The following EYA4 variants were observed in gnomAD, a reference collection of about 807,000 sequenced individuals.
The protein encoded by EYA4 is protein phosphatase EYA4.
EYA4 carries 31 observed loss-of-function variants against 87.9 expected under a neutral mutation model. That is an observed-to-expected ratio of 0.35 (90% CI 0.27 to 0.48). EYA4 has a LOEUF of 0.48. Among genes scored for constraint, EYA4 ranks in the 20% least tolerant of loss-of-function variants. The pLI is 0.99. For missense variants in EYA4, 678 were observed against 761.4 expected, an observed-to-expected ratio of 0.89 and a Z score of 1.29; for synonymous variants, 263 against 270.6, an observed-to-expected ratio of 0.97 and a Z score of 0.28.
chr6:133,325,984 T>C (rs1182821997), intron 2 of EYA4, among the ~76,000 whole-genome samples: 1 of 152,214 alleles, frequency 6.6e-6, no homozygotes, highest in Non-Finnish European at 1.5e-5. Context: ...TCCTGTTTGT[T>C]CCTGTTTGGT....
intron 2 of EYA4, among the ~76,000 whole-genome samples, chr6:133,379,374 A>C (rs542874244): frequency 6.6e-6 from 1 of 152,188 alleles, no homozygotes; most frequent in Admixed American, 6.6e-5. Flanking sequence ...TGTTCAAATT[A>C]GGTAAAACTA....
chr6:133,299,931 C>A (rs1201442551), intron 2 of EYA4, among the ~76,000 whole-genome samples: 48 of 80,480 alleles, frequency 6.0e-4, no homozygotes, highest in African/African-American at 2.2e-3. Context: ...AGATCTCTAT[C>A]TATCTATCTA....
rs201130169 is a variant in EYA4 at position 133,407,737 on chromosome 6, G to A, written c.83+25296G>A. On this transcript the variant is annotated intron_variant, in intron 3 of 19. Transcript: ENST00000355286. ...TCTGATGTTTGTTACTAATTTTCAG[G>A]AAAAAAAAATAAAAGAAAAATACTG... Among the ~76,000 whole-genome samples the A allele has an allele frequency of 1.7e-3, 261 of 150,678 alleles. 6 individuals are homozygous for A. In the East Asian group the frequency reaches 0.045, roughly 26 times the overall value.
At chr6:133,377,699 A>G (rs1785826727) in intron 2 of EYA4, among the ~76,000 whole-genome samples, 1 of 151,274 alleles carries the variant, frequency 6.6e-6, no homozygotes, top group Admixed American at 6.6e-5. Context: ...GCTTGGTAAA[A>G]ACTGGTTACT....
At chr6:133,402,010 G>C (rs1423342768) in intron 3 of EYA4, among the ~76,000 whole-genome samples, 1 of 152,132 alleles carries the variant, frequency 6.6e-6, no homozygotes, top group African/African-American at 2.4e-5. Flanking sequence ...GAGGAAAAGG[G>C]GAAGGAACTG....
chr6:133,519,658 A>C (rs1017392641), intron 17 of EYA4, among the ~76,000 whole-genome samples: 2 of 149,684 alleles, frequency 1.3e-5, no homozygotes, highest in African/African-American at 5.0e-5. Flanking sequence ...GGCCAGCATC[A>C]TTCTGATACC....
chr6:133,422,720 T>A (rs1024619873), intron 3 of EYA4, among the ~76,000 whole-genome samples: 1 of 152,196 alleles, frequency 6.6e-6, no homozygotes, highest in African/African-American at 2.4e-5. Flanking sequence ...TTTGTAAAAA[T>A]ATTTCAAAGA....
chr6:133,260,399 A>G (rs1301615923), intron 1 of EYA4, among the ~76,000 whole-genome samples: 1 of 152,104 alleles, frequency 6.6e-6, no homozygotes. Context: ...CACCATGCCC[A>G]GCTAACTTTT....
At chr6:133,440,525 G>C (rs760861) in intron 3 of EYA4, among the ~76,000 whole-genome samples, 46,517 of 152,016 alleles carry the variant, frequency 0.31, 7,347 homozygotes, top group East Asian at 0.44. Context: ...AAGTGCTGCA[G>C]AGGAAGGTAA....
At chr6:133,355,124 G>A (rs1783916057) in intron 2 of EYA4, among the ~76,000 whole-genome samples, 1 of 152,078 alleles carries the variant, frequency 6.6e-6, no homozygotes, top group South Asian at 2.1e-4. Flanking sequence ...GGGTACAAGT[G>A]CAGGGTTTGT....
chr6:133,507,078 T>C (rs1380744083), intron 14 of EYA4, among the ~76,000 whole-genome samples: 2 of 152,228 alleles, frequency 1.3e-5, no homozygotes, highest in South Asian at 4.1e-4. Context: ...ATATTATGAA[T>C]TGAGAGGGAG....
At chr6:133,381,956 G>A (rs1177847132) in intron 2 of EYA4, among the ~76,000 whole-genome samples, 1 of 152,180 alleles carries the variant, frequency 6.6e-6, no homozygotes, top group African/African-American at 2.4e-5. Context: ...CTGAGAAAAT[G>A]AAAATTAGTG....
intron 3 of EYA4, among the ~76,000 whole-genome samples, chr6:133,391,624 T>G (rs1427862118): frequency 1.3e-5 from 2 of 152,162 alleles, no homozygotes; most frequent in Non-Finnish European, 2.9e-5. Flanking sequence ...GCCACCTAGA[T>G]AATAGATTCC....
chr6:133,421,348 G>A (rs1333463215), intron 3 of EYA4, among the ~76,000 whole-genome samples: 1 of 152,192 alleles, frequency 6.6e-6, no homozygotes, highest in East Asian at 1.9e-4. Context: ...CAGACTACCA[G>A]CACATTAACT....
intron 14 of EYA4, among the ~76,000 whole-genome samples, chr6:133,507,020 T>C (rs968188524): frequency 8.4e-6 from 1 of 118,564 alleles, no homozygotes; most frequent in Non-Finnish European, 2.1e-5. Context: ...CATGTTTAAA[T>C]TTATTTTTTA....
intron 2 of EYA4, among the ~76,000 whole-genome samples, chr6:133,300,164 A>G (rs865919110): frequency 4.6e-5 from 7 of 152,140 alleles, no homozygotes; most frequent in South Asian, 2.1e-4. Flanking sequence ...GTGAAAATGT[A>G]TTATTGTAAA....
intron 13 of EYA4, among the ~76,000 whole-genome samples, chr6:133,484,699 T>C (rs1796541500): frequency 6.6e-6 from 1 of 152,238 alleles, no homozygotes; most frequent in South Asian, 2.1e-4. Flanking sequence ...TAAATCCTGT[T>C]GAGCTGATTG....
At chr6:133,404,181 T>C (rs926028142) in intron 3 of EYA4, among the ~76,000 whole-genome samples, 4 of 152,210 alleles carry the variant, frequency 2.6e-5, no homozygotes, top group Non-Finnish European at 1.5e-5. Context: ...GACTCCCCTG[T>C]TCACTTATTT....
At chr6:133,395,160 A>G (rs951405220) in intron 3 of EYA4, among the ~76,000 whole-genome samples, 3 of 152,290 alleles carry the variant, frequency 2.0e-5, no homozygotes, top group African/African-American at 7.2e-5. Flanking sequence ...GGTTCTGGAT[A>G]GATGAGGTTA....
Sources: allele counts gnomAD v4.1 joint callset (sites outside exome capture counted in the v4.1 genomes callset), GRCh38; gene constraint gnomAD v4.1.1; transcripts MANE v1.5; gene names NCBI Gene and HGNC (gene_info 2026-07-23, HGNC 2026-07-21).